The following CCDC171 variants were observed in gnomAD, a reference collection of about 807,000 sequenced individuals.
CCDC171 encodes the protein coiled-coil domain-containing protein 171.
Under a neutral mutation model 168.2 loss-of-function variants are expected in CCDC171, and 177 were observed. The observed-to-expected ratio is 1.05, with a 90% CI of 0.93 to 1.19. The LOEUF (loss-of-function observed/expected upper bound fraction) is 1.19. CCDC171 is among the 50% of genes most tolerant of loss of function. The pLI, the probability that CCDC171 is intolerant of heterozygous loss-of-function variation, is 0.00. For missense variants in CCDC171, 1,991 were observed against 1,539.0 expected, an observed-to-expected ratio of 1.29 and a Z score of -4.91; for synonymous variants, 687 against 540.8, an observed-to-expected ratio of 1.27 and a Z score of -3.75.
intron 23 of CCDC171, among the ~76,000 whole-genome samples, chr9:15,872,493 G>GT (rs571797268): frequency 1.1e-3 from 167 of 152,002 alleles, no homozygotes; most frequent in South Asian, 0.011. Flanking sequence ...ATTGCTTATG[G>GT]TTTTTTTCCC....
chr9:15,906,684 A>T (rs997270563), intron 24 of CCDC171, among the ~76,000 whole-genome samples: 15 of 152,326 alleles, frequency 9.8e-5, no homozygotes, highest in African/African-American at 3.4e-4. Context: ...GCAATCAGGC[A>T]GGAGAAGGAA....
At chr9:15,957,245 T>G (rs77458932) in intron 25 of CCDC171, among the ~76,000 whole-genome samples, 351 of 152,234 alleles carry the variant, frequency 2.3e-3, no homozygotes, top group African/African-American at 8.0e-3. Flanking sequence ...TGCTGCCGTG[T>G]CAAGTGAAAG....
intron 24 of CCDC171, among the ~76,000 whole-genome samples, chr9:15,893,117 C>G (rs79369127): frequency 0.028 from 4,255 of 151,972 alleles, 230 homozygotes; most frequent in African/African-American, 0.098. Context: ...AATAGATAAT[C>G]CAGAAATAAG....
chr9:15,952,289 G>A (rs1235126379), intron 25 of CCDC171, among the ~76,000 whole-genome samples: 2 of 152,140 alleles, frequency 1.3e-5, no homozygotes, highest in African/African-American at 2.4e-5. Flanking sequence ...TAGCTTAGTA[G>A]TAAGTTTTGA....
chr9:15,631,693 G>A (rs200853769), intron 7 of CCDC171, among the ~76,000 whole-genome samples: 6 of 152,026 alleles, frequency 3.9e-5, no homozygotes, highest in East Asian at 1.9e-4. Context: ...ATTCTGATAC[G>A]AAAGCCGGGC....
intron 6 of CCDC171, among the ~76,000 whole-genome samples, chr9:15,607,724 A>G (rs553493924): frequency 6.6e-6 from 1 of 152,166 alleles, no homozygotes; most frequent in Non-Finnish European, 1.5e-5. Flanking sequence ...TGGCCTATCA[A>G]AGTGCTGGTA....
rs780709459 is a variant in CCDC171, at chr9:15,564,125, C to G, written c.37C>G (p.Gln13Glu). ...LNTSSNTGDT[Q>E]RLKIASLDVK... is the part of the protein sequence containing the mutation. ...TACTTCAAGTAATACTGGTGATACC[C>G]AAAGGTAAGCCTCTAGTCTCTTCTT... Residue 13 changes from glutamine to glutamate, a missense_variant, in exon 2 of 26, where the codon CAA (glutamine) becomes GAA (glutamate). Transcript: ENST00000380701. 1.9e-6 allele frequency: 3 copies of G among 1,607,164 alleles called. No homozygotes were observed. The highest frequency in any genetic ancestry group is 1.1e-5 in the South Asian group (1 of 90,276).
rs147100008 is a variant in CCDC171, at chr9:15,731,786, C to A, written c.2049+1988C>A. On this transcript the variant is annotated intron_variant, in intron 16 of 25. Transcript: ENST00000380701. ...AACTGTCAAAAGTTTCTAAAAAATG[C>A]TTGTGTCATTTTTTATTCCCACCAG... Among the ~76,000 whole-genome samples, 10 of 152,124 alleles carry A rather than the reference C, an allele frequency of 6.6e-5. No homozygotes were observed. In the East Asian group the frequency reaches 1.7e-3, roughly 26 times the overall value.
intron 1 of CCDC171, among the ~76,000 whole-genome samples, chr9:16,047,028 T>G (rs1020645659): frequency 2.0e-5 from 3 of 152,214 alleles, no homozygotes; most frequent in Non-Finnish European, 4.4e-5. Context: ...GCATGGACTC[T>G]AAGGACTGCA....
rs921888356 is a variant in CCDC171 at position 16,059,757 on chromosome 9, A to G, written n.90-889A>G. Reference sequence around the variant, plus strand: ...TCTCGATCGCCTGACCTCATGATCCACCCGCCTCGGCCTCCCAAAGTGCTG... The same window carrying G: ...TCTCGATCGCCTGACCTCATGATCCGCCCGCCTCGGCCTCCCAAAGTGCTG... On this transcript the variant is annotated intron_variant and non_coding_transcript_variant, in intron 1 of 1. Transcript: ENST00000478913. Among the ~76,000 whole-genome samples the G allele has an allele frequency of 1.1e-4, 15 of 140,940 alleles. No individual in the cohort carries two copies. In the South Asian group the frequency reaches 3.0e-3, roughly 28 times the overall value. 92.5% of individuals were successfully genotyped at this position (140,940 alleles called of 152,430 possible).
intron 11 of CCDC171, among the ~76,000 whole-genome samples, chr9:15,721,543 G>A (rs188488804): frequency 2.7e-4 from 41 of 149,236 alleles, no homozygotes; most frequent in African/African-American, 9.5e-4. Context: ...TAATTTGGCC[G>A]CTTGTTTAGA....
rs779683319 is a variant in CCDC171 at position 15,777,735 on chromosome 9, A to G, written c.2807A>G (p.Lys936Arg). 3 of 1,614,054 alleles carry G rather than the reference A, an allele frequency of 1.9e-6. No homozygotes were observed. Among genetic ancestry groups the G allele is most frequent in the Admixed American group, 3.3e-5 (2 of 59,974 alleles). The part of the protein sequence containing the change: ...HSSRSITYVE[K>R]DSLVQRLAHG... ...AGCAGGAGTATTACATATGTAGAAA[A>G]AGATTCCCTGGTTCAGAGGCTGGCC... Residue 936 changes from lysine to arginine, a missense_variant, in exon 19 of 26, where the codon AAA (lysine) becomes AGA (arginine). Transcript: ENST00000380701.
chr9:15,778,550 G>T (rs1213757523), intron 19 of CCDC171, among the ~76,000 whole-genome samples: 3 of 146,408 alleles, frequency 2.0e-5, no homozygotes, highest in South Asian at 2.2e-4. Flanking sequence ...GGAGGCTGAG[G>T]CATGAGAATC....
the CCDC171 span, among the ~76,000 whole-genome samples, chr9:16,108,916 A>C: frequency 6.6e-6 from 1 of 152,182 alleles, no homozygotes; most frequent in Non-Finnish European, 1.5e-5. Flanking sequence ...AAAAAGGAAC[A>C]ATGTAACAAT....
In CCDC171 at chr9:15,821,301, A is replaced by G. The variant is rs1202518903; in HGVS notation, c.3268-25401A>G. 2.6e-5 allele frequency among the ~76,000 whole-genome samples: 3 copies of G among 115,838 alleles called. 1 individual carries two copies. Among genetic ancestry groups the G allele is most frequent in the African/African-American group, 9.8e-5 (3 of 30,724 alleles). 76.0% of individuals were successfully genotyped at this position (115,838 alleles called of 152,430 possible). ...CAAGACAGGGATGCCCTCTCTCACC[A>G]CTCCTATTCAACATAGTGTTGGAAG... On this transcript the variant is annotated intron_variant, in intron 21 of 25. Coordinates refer to ENST00000380701, the MANE Select transcript of CCDC171 (RefSeq NM_173550.4).
At chr9:16,056,341 C>G (rs2133079224) in intron 1 of CCDC171, among the ~76,000 whole-genome samples, 1 of 152,304 alleles carries the variant, frequency 6.6e-6, no homozygotes, top group East Asian at 1.9e-4. Context: ...CCACACATGA[C>G]TACTGAGCAC....
At chr9:15,987,309 C>G (rs961198766) in intron 3 of CCDC171, among the ~76,000 whole-genome samples, 1 of 152,066 alleles carries the variant, frequency 6.6e-6, no homozygotes, top group South Asian at 2.1e-4. Context: ...TGAAAAACTA[C>G]CTATTGGGTA....
intron 3 of CCDC171, among the ~76,000 whole-genome samples, chr9:15,985,002 G>C (rs1464239468): frequency 6.6e-6 from 1 of 152,022 alleles, no homozygotes. Context: ...ACATATATGA[G>C]AGAAAAGGCA....
chr9:15,847,672 C>T (rs1342558302), intron 22 of CCDC171, among the ~76,000 whole-genome samples: 1 of 151,956 alleles, frequency 6.6e-6, no homozygotes, highest in African/African-American at 2.4e-5. Flanking sequence ...TCTTTACTTG[C>T]AAAAATATAC....
Sources: gnomAD v4.1 joint callset for allele counts (sites outside exome capture counted in the v4.1 genomes callset) on GRCh38, gnomAD v4.1.1 for gene constraint, MANE v1.5 for transcripts, NCBI Gene and HGNC (gene_info 2026-07-23, HGNC 2026-07-21) for gene names.